AK5: variants seen among roughly 807,000 people sequenced by gnomAD.
AK5 encodes the protein adenylate kinase 5, also known as adenylate kinase isoenzyme 5.
In AK5, 27 loss-of-function variants were observed where a neutral mutation model predicts 69.5. The observed-to-expected ratio is 0.39, with a 90% CI of 0.29 to 0.54. The LOEUF (loss-of-function observed/expected upper bound fraction) is 0.54, where lower values mean the gene tolerates loss of function less well. Among genes scored for constraint, AK5 ranks in the 20% least tolerant of loss-of-function variants. The pLI, the probability that AK5 is intolerant of heterozygous loss-of-function variation, is 0.71. For synonymous variants in AK5, 260 were observed against 244.4 expected (o/e 1.06, Z -0.60); for missense variants, 531 against 700.4 (o/e 0.76, Z 2.73).
chr1:77,326,004 T>C (rs2815324), intron 5 of AK5, among the ~76,000 whole-genome samples: 23,177 of 152,162 alleles, frequency 0.15, 2,234 homozygotes, highest in Non-Finnish European at 0.21. Context: ...TTAATGTTTC[T>C]TATATGTAGG....
At chr1:77,419,557 C>T (rs141639602) in intron 8 of AK5, among the ~76,000 whole-genome samples, 150 of 152,174 alleles carry the variant, frequency 9.9e-4, no homozygotes, top group African/African-American at 3.5e-3. Context: ...ACAAAAATAT[C>T]GTCAATTGAA....
intron 6 of AK5, among the ~76,000 whole-genome samples, chr1:77,370,880 G>A (rs1433701971): frequency 6.6e-6 from 1 of 152,178 alleles, no homozygotes; most frequent in Admixed American, 6.5e-5. Flanking sequence ...AATCATTCAA[G>A]TGCTCCTGAA....
At chr1:77,396,007 G>A (rs1648804937) in intron 6 of AK5, among the ~76,000 whole-genome samples, 1 of 152,152 alleles carries the variant, frequency 6.6e-6, no homozygotes, top group South Asian at 2.1e-4. Flanking sequence ...TGAGTTCATA[G>A]TTCATTGATA....
intron 8 of AK5, among the ~76,000 whole-genome samples, chr1:77,443,686 T>C (rs942523819): frequency 8.5e-4 from 128 of 149,734 alleles, no homozygotes; most frequent in South Asian, 1.5e-3. Context: ...TCTGTGTGTG[T>C]GTGTGTGTGT....
chr1:77,288,857 GTC>G (rs1184060656), intron 2 of AK5, among the ~76,000 whole-genome samples: 1 of 152,116 alleles, frequency 6.6e-6, no homozygotes, highest in African/African-American at 2.4e-5. Flanking sequence ...AACCTACACG[GTC>G]TCTCACCACT....
chr1:77,430,135 A>T (rs538628311), intron 8 of AK5, among the ~76,000 whole-genome samples: 4 of 152,136 alleles, frequency 2.6e-5, no homozygotes, highest in Non-Finnish European at 5.9e-5. Flanking sequence ...GAGTTCAAAA[A>T]AAAAAAACAA....
chr1:77,386,798 T>C (rs140402889), intron 6 of AK5, among the ~76,000 whole-genome samples: 1 of 152,254 alleles, frequency 6.6e-6, no homozygotes, highest in African/African-American at 2.4e-5. Flanking sequence ...ATTTAATTTA[T>C]TCCCTTTATT....
chr1:77,322,128 A>G (rs1377855641), intron 5 of AK5, among the ~76,000 whole-genome samples: 1 of 152,194 alleles, frequency 6.6e-6, no homozygotes, highest in Admixed American at 6.5e-5. Context: ...ATACATAGTC[A>G]TGGGTATTTG....
chr1:77,385,700 C>T (rs1186318349), intron 6 of AK5, among the ~76,000 whole-genome samples: 2 of 152,042 alleles, frequency 1.3e-5, no homozygotes, highest in African/African-American at 2.4e-5. Flanking sequence ...ACAGGAAATG[C>T]GAGAAAACAT....
chr1:77,338,763 A>G (rs1661496776), intron 5 of AK5, among the ~76,000 whole-genome samples: 1 of 152,228 alleles, frequency 6.6e-6, no homozygotes, highest in Admixed American at 6.5e-5. Context: ...GACCACATAG[A>G]ATCATGAAAA....
At position 77,366,127 on chromosome 1, in the gene AK5, G is replaced by A. The variant is rs141396354; in HGVS notation, c.891+25559G>A. 3.3e-3 allele frequency among the ~76,000 whole-genome samples: 506 copies of A among 152,140 alleles called. 4 individuals are homozygous for A. The highest frequency in any genetic ancestry group is 0.012 in the African/African-American group (487 of 41,496). On this transcript the variant is annotated intron_variant, in intron 6 of 13. Coordinates refer to ENST00000354567, the MANE Select transcript of AK5 (RefSeq NM_174858.3). ...ATAATTATAGCTACTATTGATAAAGGGTATCAGAGACTTTATGCACAAGGG... is the reference window on the plus strand; with the variant it reads ...ATAATTATAGCTACTATTGATAAAGAGTATCAGAGACTTTATGCACAAGGG...
In AK5 at chr1:77,384,105, C is replaced by G. The variant is rs112529927; in HGVS notation, c.892-26876C>G. ...CAGGCCCTTATTCTACAGATGGGCA[C>G]GAACAGACATTATTTAGAAAAAAGT... is the stretch of plus-strand genomic sequence containing the variant. On this transcript the variant is annotated intron_variant, in intron 6 of 13. Coordinates refer to ENST00000354567, the MANE Select transcript of AK5 (RefSeq NM_174858.3). Among the ~76,000 whole-genome samples the G allele has an allele frequency of 7.1e-3, 1,073 of 151,966 alleles. 12 individuals carry two copies. Among genetic ancestry groups the G allele is most frequent in the African/African-American group, 0.025 (1,036 of 41,444 alleles).
chr1:77,558,672 G>T lies in AK5; in HGVS notation c.*2G>T. 1 of 1,565,274 alleles carries T rather than the reference G, an allele frequency of 6.4e-7. No individual in the cohort carries two copies. Among genetic ancestry groups the T allele is most frequent in the Non-Finnish European group, 8.8e-7 (1 of 1,136,920 alleles). On this transcript the variant is annotated 3_prime_UTR_variant, in exon 14 of 14. Transcript: ENST00000354567. ...ACAGCTATTGACTCTATTTTCTGAA[G>T]GCAAAAATGCATGTTTGTTAGAATG...
At chr1:77,314,569 A>G (rs1660140479) in intron 5 of AK5, 2 of 152,376 alleles carry the variant, frequency 1.3e-5, no homozygotes. Context: ...TTCAATACAT[A>G]TAGTGTATGG....
intron 6 of AK5, among the ~76,000 whole-genome samples, chr1:77,400,910 G>A (rs1213439804): frequency 1.6e-5 from 2 of 121,294 alleles, no homozygotes; most frequent in African/African-American, 6.1e-5. Flanking sequence ...CTTCTTTCAT[G>A]ATTTGTCCTT....
chr1:77,344,692 A>G (rs529961533), intron 6 of AK5, among the ~76,000 whole-genome samples: 11 of 152,164 alleles, frequency 7.2e-5, no homozygotes, highest in Middle Eastern at 3.4e-3. Flanking sequence ...AGTTTTTTTC[A>G]ACTAGTCTTC....
intron 10 of AK5, among the ~76,000 whole-genome samples, chr1:77,517,544 C>A (rs1473824618): frequency 6.6e-6 from 1 of 152,094 alleles, no homozygotes; most frequent in Non-Finnish European, 1.5e-5. Flanking sequence ...TTTTATATAA[C>A]CTTGTACGTA....
At chr1:77,289,805 G>A (rs560344721) in intron 2 of AK5, among the ~76,000 whole-genome samples, 24 of 135,802 alleles carry the variant, frequency 1.8e-4, no homozygotes, top group Admixed American at 1.8e-3. Context: ...GGAGCTTGCA[G>A]TGAGCTGAGA....
intron 10 of AK5, among the ~76,000 whole-genome samples, chr1:77,508,021 T>G (rs982191086): frequency 6.6e-6 from 1 of 152,224 alleles, no homozygotes; most frequent in African/African-American, 2.4e-5. Flanking sequence ...CTAATCTTTT[T>G]GCATGCCAAC....
Sources: gnomAD v4.1 joint callset for allele counts (sites outside exome capture counted in the v4.1 genomes callset) on GRCh38, gnomAD v4.1.1 for gene constraint, MANE v1.5 for transcripts, NCBI Gene and HGNC (gene_info 2026-07-23, HGNC 2026-07-21) for gene names.